The following GRM1 variants were observed in gnomAD, a reference collection of about 807,000 sequenced individuals.
The protein encoded by GRM1 is metabotropic glutamate receptor 1.
GRM1 carries 33 observed loss-of-function variants against 90.9 expected under a neutral mutation model. The ratio of observed to expected loss-of-function variants is 0.36; its 90% CI spans 0.28 to 0.49. The LOEUF (loss-of-function observed/expected upper bound fraction) is 0.49, where lower values mean the gene tolerates loss of function less well. Among genes scored for constraint, GRM1 ranks in the 20% least tolerant of loss-of-function variants. The probability of loss-of-function intolerance (pLI) is 0.99; values close to 1 mark genes in which losing one functional copy is unlikely to be tolerated. For synonymous variants in GRM1, 700 were observed against 613.2 expected (o/e 1.14, Z -2.09); for missense variants, 1,190 against 1,534.3 (o/e 0.78, Z 3.75).
intron 1 of GRM1, among the ~76,000 whole-genome samples, chr6:146,139,634 T>C (rs1045924115): frequency 1.1e-4 from 17 of 152,212 alleles, no homozygotes; most frequent in African/African-American, 4.1e-4. Context: ...TTCTGTTCTT[T>C]TATGTCTTCC....
At chr6:146,154,403 T>C (rs753686894) in intron 1 of GRM1, among the ~76,000 whole-genome samples, 8 of 152,174 alleles carry the variant, frequency 5.3e-5, no homozygotes, top group Non-Finnish European at 1.2e-4. Flanking sequence ...TGGCCAGCTG[T>C]GTGTGGTTTT....
At chr6:146,409,269 A>G (rs12208577) in intron 7 of GRM1, among the ~76,000 whole-genome samples, 39,774 of 152,022 alleles carry the variant, frequency 0.26, 6,485 homozygotes, top group Non-Finnish European at 0.36. Flanking sequence ...GCCAATGCTC[A>G]TGAGTTCACA....
chr6:146,398,690 G>A (rs978167314), intron 6 of GRM1, 79 bp from the exon 7 acceptor site: 3 of 940,528 alleles, frequency 3.2e-6, no homozygotes, highest in African/African-American at 3.2e-5. Flanking sequence ...AGATGACTGT[G>A]TCTCTGGTAA....
At chr6:146,302,055 C>T (rs549307373) in intron 2 of GRM1, among the ~76,000 whole-genome samples, 7 of 152,030 alleles carry the variant, frequency 4.6e-5, no homozygotes, top group South Asian at 4.2e-4. Context: ...CCACCCCCAT[C>T]GCATGCCATA....
Position 146,159,454 on chromosome 6 carries a change from C to A in GRM1, c.807C>A (p.Ser269Arg). The change falls in exon 2 of 8, where the codon AGC becomes AGA. Residue 269 changes from serine to arginine, a missense_variant. Transcript: ENST00000282753. ...DKIYSNAGEKSFDRLLRKLRE... is the reference protein window; with the variant it reads ...DKIYSNAGEKRFDRLLRKLRE... ...TCTACAGCAACGCTGGGGAGAAGAG[C>A]TTTGACCGACTCTTGCGCAAACTCC... 6.2e-7 allele frequency: 1 copy of A among 1,614,224 alleles called. No homozygotes were observed. The highest frequency in any genetic ancestry group is 8.5e-7 in the Non-Finnish European group (1 of 1,180,034).
intron 1 of GRM1, among the ~76,000 whole-genome samples, chr6:146,154,404 G>A (rs1240291799): frequency 6.6e-6 from 1 of 152,174 alleles, no homozygotes; most frequent in Non-Finnish European, 1.5e-5. Context: ...GGCCAGCTGT[G>A]TGTGGTTTTC....
intron 1 of GRM1, among the ~76,000 whole-genome samples, chr6:146,123,624 C>A (rs187992748): frequency 6.5e-4 from 99 of 152,340 alleles, no homozygotes; most frequent in South Asian, 2.5e-3. Flanking sequence ...CAATACCCAA[C>A]TGTGCCTCCA....
intron 2 of GRM1, among the ~76,000 whole-genome samples, chr6:146,213,761 G>A (rs961441415): frequency 2.6e-5 from 4 of 151,734 alleles, no homozygotes; most frequent in Non-Finnish European, 5.9e-5. Context: ...TTTATTGGGG[G>A]AATTGGGTCA....
At chr6:146,139,710 G>A (rs1215156064) in intron 1 of GRM1, among the ~76,000 whole-genome samples, 1 of 152,000 alleles carries the variant, frequency 6.6e-6, no homozygotes, top group Non-Finnish European at 1.5e-5. Context: ...TGGGTGAAGT[G>A]TATTTCTTAT....
At chr6:146,196,463 A>ATTTT (rs772811053) in intron 2 of GRM1, among the ~76,000 whole-genome samples, 14 of 85,966 alleles carry the variant, frequency 1.6e-4, no homozygotes, top group African/African-American at 4.1e-4. Context: ...AATTTTTTGT[A>ATTTT]TTTTTTTTTT....
intron 2 of GRM1, among the ~76,000 whole-genome samples, chr6:146,302,473 A>G (rs1468524583): frequency 6.6e-6 from 1 of 151,384 alleles, no homozygotes; most frequent in African/African-American, 2.4e-5. Context: ...CTGGGCTCAC[A>G]GGATCCTCCC....
intron 3 of GRM1, among the ~76,000 whole-genome samples, chr6:146,328,047 CA>C (rs990882844): frequency 2.2e-4 from 33 of 152,072 alleles, no homozygotes; most frequent in Admixed American, 2.0e-3. Flanking sequence ...TTTATTTGGT[CA>C]GGGGCAGCTG....
intron 2 of GRM1, among the ~76,000 whole-genome samples, chr6:146,202,924 G>A (rs1053356708): frequency 2.0e-5 from 3 of 152,076 alleles, no homozygotes; most frequent in Admixed American, 2.0e-4. Flanking sequence ...GGCCGGGCGC[G>A]GTGGCTCACG....
At chr6:146,220,834 A>T (rs189211115) in intron 2 of GRM1, among the ~76,000 whole-genome samples, 1 of 152,218 alleles carries the variant, frequency 6.6e-6, no homozygotes, top group Non-Finnish European at 1.5e-5. Flanking sequence ...GTCAAATGAC[A>T]TCTCAGATGC....
At chr6:146,059,380 G>A (rs986458898) in intron 1 of GRM1, among the ~76,000 whole-genome samples, 3 of 152,098 alleles carry the variant, frequency 2.0e-5, no homozygotes, top group Non-Finnish European at 4.4e-5. Flanking sequence ...TTTCTGAGCA[G>A]TAGATCTCAA....
chr6:146,079,048 C>G (rs1005479365), intron 1 of GRM1, among the ~76,000 whole-genome samples: 1 of 152,162 alleles, frequency 6.6e-6, no homozygotes, highest in Non-Finnish European at 1.5e-5. Flanking sequence ...ACACAGGAAC[C>G]GGAGGGGCCA....
At chr6:146,152,900 A>G (rs766926726) in intron 1 of GRM1, among the ~76,000 whole-genome samples, 2 of 152,120 alleles carry the variant, frequency 1.3e-5, no homozygotes, top group Non-Finnish European at 2.9e-5. Context: ...TCACTTTTTT[A>G]TATATTCACA....
chr6:146,337,172 C>T (rs1420915469), intron 3 of GRM1, among the ~76,000 whole-genome samples: 2 of 152,200 alleles, frequency 1.3e-5, no homozygotes, highest in African/African-American at 4.8e-5. Context: ...ACTCCTTGGG[C>T]AAGTGTCTGC....
chr6:146,241,824 A>T (rs1780875741), intron 2 of GRM1, among the ~76,000 whole-genome samples: 1 of 152,048 alleles, frequency 6.6e-6, no homozygotes, highest in African/African-American at 2.4e-5. Context: ...GGTTTTATAA[A>T]CCTATAAAAT....
Sources: allele counts gnomAD v4.1 joint callset (sites outside exome capture counted in the v4.1 genomes callset), GRCh38; gene constraint gnomAD v4.1.1; transcripts MANE v1.5; gene names NCBI Gene and HGNC (gene_info 2026-07-23, HGNC 2026-07-21).